The following IBTK variants were observed in gnomAD, a reference collection of about 807,000 sequenced individuals.
IBTK encodes the protein BTK-binding protein.
Under a neutral mutation model 154.9 loss-of-function variants are expected in IBTK, and 83 were observed. The observed-to-expected ratio is 0.54, with a 90% CI of 0.45 to 0.64. The LOEUF is 0.64. Ranked by LOEUF, IBTK falls within the 30% of genes least tolerant of loss-of-function variation. The pLI is 0.00. For synonymous variants in IBTK, 515 were observed against 536.1 expected (o/e 0.96, Z 0.54); for missense variants, 1,332 against 1,584.6 (o/e 0.84, Z 2.71).
At position 82,216,114 on chromosome 6, in the gene IBTK, T is replaced by C; in HGVS notation, c.1563A>G (p.Gly521=). Residue 521 remains glycine (G), a synonymous_variant, in exon 11 of 29, where the codon GGA becomes GGG. Coordinates refer to ENST00000306270, the MANE Select transcript of IBTK (RefSeq NM_015525.4). ...RAVSVSTDPS[G]CNFAILQSDP... ...CTGACTGCAGGATTGCAAAGTTGCA[T>C]CCACTTGGATCTGTGCTGACACTAA... 1 of 1,611,472 alleles carries C rather than the reference T, an allele frequency of 6.2e-7. No individual in the cohort carries two copies. Among genetic ancestry groups the C allele is most frequent in the Non-Finnish European group, 8.5e-7 (1 of 1,179,438 alleles).
At chr6:82,208,262 C>G (rs1017257948) in intron 16 of IBTK, among the ~76,000 whole-genome samples, 4 of 151,762 alleles carry the variant, frequency 2.6e-5, no homozygotes, top group African/African-American at 7.3e-5. Flanking sequence ...ACTATGACTA[C>G]ATATAATTTT....
chr6:82,195,710 C>T (rs1164085702), intron 22 of IBTK, among the ~76,000 whole-genome samples: 3 of 152,180 alleles, frequency 2.0e-5, no homozygotes, highest in Non-Finnish European at 4.4e-5. Context: ...AGAAAAGTGA[C>T]TCTATCTCTA....
At chr6:82,172,295 A>AAAAC (rs1030971200) in intron 28 of IBTK, 85 bp downstream of exon 28, 1 of 1,415,626 alleles carries the variant, frequency 7.1e-7, no homozygotes, top group Non-Finnish European at 9.6e-7. Flanking sequence ...GCACCTGTCC[A>AAAAC]AAACAAACAA....
intron 11 of IBTK, among the ~76,000 whole-genome samples, chr6:82,215,080 C>T (rs1365022822): frequency 1.3e-5 from 2 of 151,896 alleles, no homozygotes; most frequent in South Asian, 2.1e-4. Flanking sequence ...CTAAGTTGTC[C>T]GTATCCCTGG....
At chr6:82,201,578 G>T in intron 18 of IBTK, 96 bp from the exon 19 acceptor site, 1 of 766,938 alleles carries the variant, frequency 1.3e-6, no homozygotes, top group Non-Finnish European at 2.1e-6. Context: ...TGCTAGATAA[G>T]TAACAAAGTT....
In IBTK at chr6:82,208,911, A is replaced by C. The variant is rs1012744676; in HGVS notation, c.2509+1903T>G. On this transcript the variant is annotated intron_variant, in intron 16 of 28. Coordinates refer to ENST00000306270, the MANE Select transcript of IBTK (RefSeq NM_015525.4). ...CATTATAAAAAAACAAATAATTGAG[A>C]AAAAAAGTGTCCAAAGGATTTGAGT... is the stretch of plus-strand genomic sequence containing the variant. Among the ~76,000 whole-genome samples the C allele has an allele frequency of 3.3e-5, 5 of 152,294 alleles. No individual in the cohort carries two copies. The South Asian group carries it at 1.0e-3, about 32-fold the overall frequency.
At chr6:82,236,066 G>A (rs1770703974) in intron 2 of IBTK, among the ~76,000 whole-genome samples, 2 of 152,078 alleles carry the variant, frequency 1.3e-5, no homozygotes, top group Admixed American at 1.3e-4. Context: ...TAGAGATGAG[G>A]TTTTGCCATG....
At chr6:82,205,806 C>T (rs1167828370) in intron 16 of IBTK, 1 of 151,788 alleles carries the variant, frequency 6.6e-6, no homozygotes, top group Non-Finnish European at 1.5e-5. Context: ...GTCCTCAGTA[C>T]TACTAATGGC....
chr6:82,197,373 A>ATTTTTTT (rs11422131), intron 21 of IBTK, among the ~76,000 whole-genome samples: 2 of 138,428 alleles, frequency 1.4e-5, no homozygotes, highest in African/African-American at 2.7e-5. Context: ...ATCTTTTTGA[A>ATTTTTTT]TTTTTTTTTT....
chr6:82,173,571 C>T, intron 26 of IBTK, 133 bp from the exon 27 acceptor site: 1 of 539,222 alleles, frequency 1.9e-6, no homozygotes, highest in Non-Finnish European at 3.2e-6. Flanking sequence ...GTCAAGCTTA[C>T]CTTTAAAATT....
At chr6:82,198,547 T>G (rs1345508907) in intron 21 of IBTK, among the ~76,000 whole-genome samples, 3 of 152,088 alleles carry the variant, frequency 2.0e-5, no homozygotes, top group Admixed American at 1.3e-4. Context: ...ATTTGAAGCA[T>G]CTCAGTAAAC....
intron 9 of IBTK, among the ~76,000 whole-genome samples, chr6:82,219,079 T>C (rs1769975802): frequency 6.6e-6 from 1 of 152,148 alleles, no homozygotes; most frequent in East Asian, 1.9e-4. Context: ...ACCCCATTTG[T>C]TTCCTTCCAC....
Position 82,201,411 on chromosome 6 carries a change from A to T in IBTK, c.2790+11T>A. The T allele has an allele frequency of 5.0e-6, 8 of 1,600,370 alleles. No individual in the cohort carries two copies. Among genetic ancestry groups the T allele is most frequent in the Non-Finnish European group, 6.8e-6 (8 of 1,170,662 alleles). ...ATTATAGCCGCGAAAATCTTAAAAC[A>T]TAAACCTTACCATTTTCCGGTAAAA... On this transcript the variant is annotated intron_variant, in intron 19 of 28. Transcript: ENST00000306270.
rs755811355 is a variant in IBTK at position 82,216,178 on chromosome 6, C to A, written c.1499G>T (p.Arg500Ile). ...YVSDINSVYERIRLEKLTFAH... is the reference protein window; with the variant it reads ...YVSDINSVYEIIRLEKLTFAH... ...AAAGGTAAGTTTCTCAAGTCGAATT[C>A]TTTCATACACACTATTTATATCAGA... Residue 500 changes from arginine to isoleucine, a missense_variant, in exon 11 of 29, where the codon AGA (arginine) becomes ATA (isoleucine). This residue lies in a region of IBTK where 1,134 missense variants were observed against 1,274.7 expected (regional missense o/e 0.89). Coordinates refer to ENST00000306270, the MANE Select transcript of IBTK (RefSeq NM_015525.4). The A allele has an allele frequency of 2.5e-6, 4 of 1,612,404 alleles. No individual in the cohort carries two copies. Among genetic ancestry groups the A allele is most frequent in the African/African-American group, 2.7e-5 (2 of 74,860 alleles).
intron 26 of IBTK, among the ~76,000 whole-genome samples, chr6:82,178,753 T>C (rs886382779): frequency 1.3e-5 from 2 of 152,134 alleles, no homozygotes; most frequent in African/African-American, 4.8e-5. Flanking sequence ...AACAGCAAAC[T>C]GCCCCAGTAA....
intron 17 of IBTK, among the ~76,000 whole-genome samples, 168 bp downstream of exon 17, chr6:82,204,689 G>T (rs1408226882): frequency 2.0e-5 from 3 of 151,946 alleles, no homozygotes; most frequent in Non-Finnish European, 4.4e-5. Flanking sequence ...TCTAAAATAA[G>T]AATTCACTTA....
At position 82,200,753 on chromosome 6, in the gene IBTK, GTTTTTTTTTTTT is replaced by G. The variant is rs138809525; in HGVS notation, c.2791-57_2791-46del. ...ACTTTTCAAATACAAAATCTGTGAA[GTTTTTTTTTTTT>G]TTTTTTTTTTTTTTTTGTGCACACG... On this transcript the variant is annotated intron_variant, in intron 19 of 28. Coordinates refer to ENST00000306270, the MANE Select transcript of IBTK (RefSeq NM_015525.4). 2.7e-3 allele frequency: 1,052 copies of G among 393,450 alleles called. 8 individuals carry two copies. In the African/African-American group the frequency reaches 0.034, roughly 13 times the overall value. 24.4% of individuals were successfully genotyped at this position (393,450 alleles called of 1,614,324 possible).
chr6:82,182,165 C>T, intron 25 of IBTK, 137 bp from the exon 26 acceptor site: 2 of 762,120 alleles, frequency 2.6e-6, no homozygotes, highest in East Asian at 2.8e-5. Flanking sequence ...ATGTTGGATT[C>T]TTGCTGCCAA....
rs562726247 is a variant in IBTK at position 82,193,775 on chromosome 6, G to C, written c.3338+704C>G. Among the ~76,000 whole-genome samples the C allele has an allele frequency of 2.2e-4, 34 of 152,024 alleles. No individual in the cohort carries two copies. In the South Asian group the frequency reaches 7.1e-3, roughly 32 times the overall value. On this transcript the variant is annotated intron_variant, in intron 23 of 28. Coordinates refer to ENST00000306270, the MANE Select transcript of IBTK (RefSeq NM_015525.4). ...GGGCTCACTGTAACCTCCGCCTCCCGGGTTCAAACGATTCTCCCACCTCAG... is the reference window on the plus strand; with the variant it reads ...GGGCTCACTGTAACCTCCGCCTCCCCGGTTCAAACGATTCTCCCACCTCAG...
Sources: gnomAD v4.1 joint callset for allele counts (sites outside exome capture counted in the v4.1 genomes callset) on GRCh38, gnomAD v4.1.1 for gene constraint, gnomAD v4.1.1 regional missense constraint, MANE v1.5 for transcripts, NCBI Gene and HGNC (gene_info 2026-07-23, HGNC 2026-07-21) for gene names.